Variants in ABCA10 observed in about 807,000 individuals in gnomAD.
The protein encoded by ABCA10 is ATP binding cassette subfamily A member 10.
Under a neutral mutation model 187.5 loss-of-function variants are expected in ABCA10, and 169 were observed. That is an observed-to-expected ratio of 0.90 (90% CI 0.80 to 1.02). ABCA10 has a LOEUF of 1.02. ABCA10 is among the 50% of genes least tolerant of loss of function. The pLI is 0.00. For missense variants in ABCA10, 1,727 were observed against 1,812.4 expected (o/e 0.95, Z 0.86); for synonymous variants, 574 against 601.8 (o/e 0.95, Z 0.68).
chr17:69,190,747 A>G (rs1041384851), intron 17 of ABCA10, among the ~76,000 whole-genome samples: 2 of 151,884 alleles, frequency 1.3e-5, no homozygotes, highest in Admixed American at 6.6e-5. Context: ...CTGTATGTCT[A>G]TCTAAAAATT....
intron 20 of ABCA10, among the ~76,000 whole-genome samples, chr17:69,183,606 G>C (rs1247964546): frequency 6.6e-6 from 1 of 152,152 alleles, no homozygotes; most frequent in Non-Finnish European, 1.5e-5. Context: ...TCCGAAGGTT[G>C]AGATCACGGG....
intron 21 of ABCA10, 134 bp downstream of exon 21, chr17:69,182,541 G>T: frequency 8.8e-7 from 1 of 1,137,454 alleles, no homozygotes. Context: ...ATGTGACAAA[G>T]AAAGTTTCAA....
intron 11 of ABCA10, among the ~76,000 whole-genome samples, chr17:69,195,986 A>G (rs2074497343): frequency 6.6e-6 from 1 of 152,066 alleles, no homozygotes; most frequent in African/African-American, 2.4e-5. Flanking sequence ...CAACAATCTG[A>G]TTTCTCTTTC....
At chr17:69,164,780 G>A in intron 26 of ABCA10, among the ~76,000 whole-genome samples, 184 bp downstream of exon 26, 1 of 152,098 alleles carries the variant, frequency 6.6e-6, no homozygotes, top group Non-Finnish European at 1.5e-5. Context: ...CTGCTAGTAT[G>A]AATAGTGATC....
chr17:69,191,647 AAGTT>A (rs1359300289), intron 16 of ABCA10, among the ~76,000 whole-genome samples: 3 of 114,800 alleles, frequency 2.6e-5, no homozygotes, highest in African/African-American at 7.4e-5. Flanking sequence ...ATGTGTATAA[AAGTT>A]ATTTTATGTG....
intron 1 of ABCA10, chr17:69,244,453 C>G (rs1315863521): frequency 1.3e-5 from 2 of 151,730 alleles, no homozygotes; most frequent in Non-Finnish European, 2.9e-5. Flanking sequence ...TTAATATAAT[C>G]ATATTTATTT....
chr17:69,186,682 A>G (rs541446493), intron 19 of ABCA10, among the ~76,000 whole-genome samples: 94 of 152,250 alleles, frequency 6.2e-4, no homozygotes, highest in African/African-American at 2.2e-3. Flanking sequence ...ATATTTTCTA[A>G]TCTTGGCTTA....
intron 9 of ABCA10, among the ~76,000 whole-genome samples, chr17:69,210,832 C>CATATGTATATATATATAT (rs772184501): frequency 7.9e-6 from 1 of 126,648 alleles, no homozygotes; most frequent in African/African-American, 4.3e-5. Context: ...ATATATATGC[C>CATATGTATATATATATAT]ACATATTTAT....
In ABCA10 at chr17:69,193,872, T is replaced by C. The variant is rs769742320; in HGVS notation, c.1463A>G (p.Glu488Gly). Residue 488 changes from glutamate to glycine, a missense_variant, in exon 13 of 39, where the codon GAA (glutamate) becomes GGA (glycine). Glu to Gly is a moderately conservative substitution (Grantham distance 98). Transcript: ENST00000690296. Reference sequence around the variant, plus strand: ...TATTTTAGCAAATACCCTGAGGTTTTCTCTCACAGTGAGGAAGTCAAATTG... The same window carrying C: ...TATTTTAGCAAATACCCTGAGGTTTCCTCTCACAGTGAGGAAGTCAAATTG... ...NFQFDFLTVR[E>G]NLRVFAKIKG... The C allele has an allele frequency of 6.2e-7, 1 of 1,613,588 alleles. No individual in the cohort carries two copies. The highest frequency in any genetic ancestry group is 1.1e-5 in the South Asian group (1 of 91,000).
Position 69,155,225 on chromosome 17 carries a change from C to A in ABCA10, c.3577-89G>T, listed in dbSNP as rs565483430. On this transcript the variant is annotated intron_variant, in intron 29 of 38. Transcript: ENST00000690296. ...TATTTTCCATTCCCTAGTCTATAAA[C>A]CCAACTAAATTTAATGCCAGGCTGA... 4.9e-6 allele frequency: 5 copies of A among 1,025,942 alleles called. No individual in the cohort carries two copies. The South Asian group carries it at 6.0e-5, about 12-fold the overall frequency. 63.6% of individuals were successfully genotyped at this position (1,025,942 alleles called of 1,614,324 possible).
At chr17:69,233,015 G>A (rs951833141), upstream of ABCA10, 26 of 152,208 alleles carry the variant, frequency 1.7e-4, no homozygotes, top group African/African-American at 5.5e-4. Context: ...ACCTTCCAAA[G>A]TTTGATTATA....
chr17:69,204,011 T>C (rs1357669224), intron 9 of ABCA10, among the ~76,000 whole-genome samples: 2 of 152,156 alleles, frequency 1.3e-5, no homozygotes, highest in Non-Finnish European at 2.9e-5. Context: ...AATACTTGAG[T>C]TGCCCAAGAG....
Position 69,148,553 on chromosome 17 carries a change from A to G in ABCA10, c.*274T>C. The G allele has an allele frequency of 3.4e-6, 1 of 294,636 alleles. No homozygotes were observed. 18.3% of individuals were successfully genotyped at this position (294,636 alleles called of 1,614,324 possible). ...ATTGATAATAACCGATAACCAACCT[A>G]ATATTGTATGATTTTTAAATTATTT... On this transcript the variant is annotated 3_prime_UTR_variant, in exon 39 of 39. Transcript: ENST00000690296.
chr17:69,214,290 C>T (rs943706726), intron 9 of ABCA10, among the ~76,000 whole-genome samples: 4 of 151,980 alleles, frequency 2.6e-5, no homozygotes, highest in African/African-American at 4.8e-5. Context: ...CCGAGGCGGG[C>T]GGATCACGAG....
rs1321123831 is a variant in ABCA10 at position 69,214,823 on chromosome 17, C to A, written c.887G>T (p.Gly296Val). 2.7e-6 allele frequency: 4 copies of A among 1,500,880 alleles called. No homozygotes were observed. The highest frequency in any genetic ancestry group is 1.3e-5 in the South Asian group (1 of 75,646). The allele number at this position is 1,500,880 out of a possible 1,614,324, so 93.0% of individuals were successfully genotyped here. ...CCCAGAGGGATCAGGAAAAATAACACCACTTAAGTAATTATCCAGGTGTGT... is the reference window on the plus strand; with the variant it reads ...CCCAGAGGGATCAGGAAAAATAACAACACTTAAGTAATTATCCAGGTGTGT... ...QITHLDNYLS[G>V]VIFPDPSGDS... is the part of the protein sequence containing the mutation. Residue 296 changes from glycine to valine, a missense_variant, in exon 9 of 39, where the codon GGT becomes GTT. Physicochemically the swap from Gly to Val is moderately radical, Grantham distance 109 (BLOSUM62 -3). Coordinates refer to ENST00000690296, the MANE Select transcript of ABCA10 (RefSeq NM_001377321.1).
chr17:69,193,795 T>A lies in ABCA10; in HGVS notation c.1521+19A>T. The A allele has an allele frequency of 6.2e-7, 1 of 1,606,962 alleles. No homozygotes were observed. Among genetic ancestry groups the A allele is most frequent in the Non-Finnish European group, 8.5e-7 (1 of 1,178,110 alleles). On this transcript the variant is annotated intron_variant, in intron 13 of 38. Transcript: ENST00000690296. ...AGTAAATTATTTCCAAAGCCATCAA[T>A]CTTAATGTGTTCCTGTACCTCTTGT...
chr17:69,191,040 A>C, intron 17 of ABCA10, 136 bp downstream of exon 17: 5 of 926,380 alleles, frequency 5.4e-6, no homozygotes, highest in Non-Finnish European at 7.1e-6. Context: ...TCATATTGGA[A>C]ATAGGAACAG....
chr17:69,224,688 G>GAA (rs34181751), intron 3 of ABCA10, among the ~76,000 whole-genome samples: 124 of 137,362 alleles, frequency 9.0e-4, no homozygotes, highest in Middle Eastern at 7.5e-3. Flanking sequence ...AGTCTTATGG[G>GAA]AAAAAAAAAA....
intron 9 of ABCA10, among the ~76,000 whole-genome samples, chr17:69,206,926 C>T (rs909330594): frequency 2.0e-5 from 3 of 152,088 alleles, no homozygotes; most frequent in Admixed American, 2.0e-4. Flanking sequence ...CATGGGATTA[C>T]ATCAAACTAA....
Sources: allele counts gnomAD v4.1 joint callset (sites outside exome capture counted in the v4.1 genomes callset), GRCh38; gene constraint gnomAD v4.1.1; transcripts MANE v1.5; gene names NCBI Gene and HGNC (gene_info 2026-07-23, HGNC 2026-07-21).